RBMS3: variants seen among roughly 807,000 people sequenced by gnomAD.
RBMS3 encodes RNA binding motif single stranded interacting protein 3.
In RBMS3, 27 loss-of-function variants were observed where a neutral mutation model predicts 66.8. The ratio of observed to expected loss-of-function variants is 0.40; its 90% CI spans 0.30 to 0.56. The LOEUF (loss-of-function observed/expected upper bound fraction) is 0.56, where lower values mean the gene tolerates loss of function less well. Ranked by LOEUF, RBMS3 falls within the 20% of genes least tolerant of loss-of-function variation. The pLI is 0.40. For synonymous variants in RBMS3, 188 were observed against 183.0 expected (o/e 1.03, Z -0.22); for missense variants, 513 against 549.5 (o/e 0.93, Z 0.66).
At chr3:29,804,920 C>CGT (rs10576635) in intron 6 of RBMS3, among the ~76,000 whole-genome samples, 12,781 of 146,286 alleles carry the variant, frequency 0.087, 522 homozygotes, top group East Asian at 0.18. Flanking sequence ...TCTGCGTGTA[C>CGT]GTGTGTGTGT....
intron 3 of RBMS3, among the ~76,000 whole-genome samples, chr3:29,517,271 A>ATGTGTGTGTGTGTG (rs58702096): frequency 7.7e-5 from 10 of 129,642 alleles, no homozygotes; most frequent in Admixed American, 3.2e-4. Context: ...GATTTCATAT[A>ATGTGTGTGTGTGTG]TGTGTGTGTG....
At chr3:29,790,272 T>TA (rs776252313) in intron 6 of RBMS3, among the ~76,000 whole-genome samples, 21 of 152,328 alleles carry the variant, frequency 1.4e-4, no homozygotes, top group Non-Finnish European at 2.6e-4. Context: ...TAAAACAAGA[T>TA]ATAATTGCAC....
intron 1 of RBMS3, among the ~76,000 whole-genome samples, chr3:29,366,924 A>G (rs1161732621): frequency 6.6e-6 from 1 of 152,174 alleles, no homozygotes; most frequent in Non-Finnish European, 1.5e-5. Flanking sequence ...TTGGTCCTTG[A>G]TCAAGTAATC....
At chr3:29,544,158 C>T (rs778517169) in intron 3 of RBMS3, among the ~76,000 whole-genome samples, 1 of 151,942 alleles carries the variant, frequency 6.6e-6, no homozygotes, top group Admixed American at 6.6e-5. Flanking sequence ...CTTTAGTATT[C>T]CAACTAGATT....
chr3:29,405,508 T>C (rs575003600), intron 1 of RBMS3, among the ~76,000 whole-genome samples: 1 of 152,302 alleles, frequency 6.6e-6, no homozygotes, highest in East Asian at 1.9e-4. Flanking sequence ...ATTTTCATAG[T>C]GGATATCCTT....
chr3:29,713,980 G>C (rs60687256), intron 4 of RBMS3, among the ~76,000 whole-genome samples: 22 of 152,030 alleles, frequency 1.4e-4, no homozygotes, highest in African/African-American at 5.3e-4. Context: ...GCTTAAATTC[G>C]GGAAGCAAAG....
At chr3:29,684,779 TACAC>T (rs10570309) in intron 4 of RBMS3, among the ~76,000 whole-genome samples, 57,772 of 145,548 alleles carry the variant, frequency 0.4, 11,446 homozygotes, top group Middle Eastern at 0.49. Flanking sequence ...GTTTGTTATG[TACAC>T]ACACACACAC....
chr3:29,506,910 G>A (rs541665067), intron 3 of RBMS3, among the ~76,000 whole-genome samples: 1 of 150,694 alleles, frequency 6.6e-6, no homozygotes, highest in South Asian at 2.1e-4. Flanking sequence ...TGTATTTTTG[G>A]TATCAGCTAT....
At chr3:29,396,775 A>C (rs567648540) in intron 1 of RBMS3, among the ~76,000 whole-genome samples, 1 of 152,190 alleles carries the variant, frequency 6.6e-6, no homozygotes, top group South Asian at 2.1e-4. Flanking sequence ...ATCATTTCCC[A>C]AAAAAATACT....
intron 7 of RBMS3, 57 bp from the exon 8 acceptor site, chr3:29,884,105 G>A: frequency 7.0e-7 from 1 of 1,426,636 alleles, no homozygotes; most frequent in Non-Finnish European, 9.8e-7. Context: ...TAAATGTTTT[G>A]GGCACCACAA....
chr3:29,905,839 T>G (rs573999221), intron 10 of RBMS3, among the ~76,000 whole-genome samples: 1 of 152,148 alleles, frequency 6.6e-6, no homozygotes, highest in East Asian at 1.9e-4. Context: ...GTGGGCTGCA[T>G]GCAGCCAGTG....
At chr3:29,905,160 G>A (rs1016067355) in intron 10 of RBMS3, among the ~76,000 whole-genome samples, 2 of 151,946 alleles carry the variant, frequency 1.3e-5, no homozygotes, top group Non-Finnish European at 2.9e-5. Flanking sequence ...TATTGTGAAA[G>A]CATCCATAGA....
intron 4 of RBMS3, among the ~76,000 whole-genome samples, chr3:29,591,242 C>A (rs909995703): frequency 6.6e-6 from 1 of 152,158 alleles, no homozygotes; most frequent in Non-Finnish European, 1.5e-5. Context: ...CCAAAAAGAA[C>A]CCACCTCAAA....
intron 1 of RBMS3, among the ~76,000 whole-genome samples, chr3:29,391,682 G>C (rs1470098325): frequency 6.6e-6 from 1 of 152,102 alleles, no homozygotes; most frequent in Admixed American, 6.5e-5. Context: ...GGTTAGGGAG[G>C]GAGACAAGTG....
intron 9 of RBMS3, 94 bp from the exon 10 acceptor site, chr3:29,899,611 C>A: frequency 9.3e-7 from 1 of 1,070,204 alleles, no homozygotes; most frequent in Non-Finnish European, 1.4e-6. Context: ...CAGGTGGACT[C>A]CACTTTCTTA....
chr3:29,374,440 T>C (rs1242664041), intron 1 of RBMS3, among the ~76,000 whole-genome samples: 1 of 152,212 alleles, frequency 6.6e-6, no homozygotes, highest in Non-Finnish European at 1.5e-5. Context: ...TGTAACTTAG[T>C]GATGGCTTGA....
At chr3:29,776,798 T>C (rs557323476) in intron 6 of RBMS3, among the ~76,000 whole-genome samples, 1 of 152,032 alleles carries the variant, frequency 6.6e-6, no homozygotes, top group East Asian at 1.9e-4. Context: ...CCTTTGCAAC[T>C]AGGTAAGGAC....
intron 1 of RBMS3, among the ~76,000 whole-genome samples, chr3:29,305,332 T>C (rs934578400): frequency 3.3e-5 from 5 of 151,974 alleles, no homozygotes; most frequent in Non-Finnish European, 7.4e-5. Flanking sequence ...TGCCTTCCTA[T>C]TAAAATGTAA....
chr3:29,955,683 T>A (rs144449321), intron 12 of RBMS3, among the ~76,000 whole-genome samples: 9 of 152,162 alleles, frequency 5.9e-5, no homozygotes, highest in African/African-American at 2.2e-4. Flanking sequence ...ATATTAAGGC[T>A]GTTGTTCATT....
Sources: allele counts gnomAD v4.1 joint callset (sites outside exome capture counted in the v4.1 genomes callset), GRCh38; gene constraint gnomAD v4.1.1; transcripts MANE v1.5; gene names NCBI Gene and HGNC (gene_info 2026-07-23, HGNC 2026-07-21).